The following LRRN3 variants were observed in gnomAD, a reference collection of about 807,000 sequenced individuals.
LRRN3 encodes the protein leucine-rich repeat neuronal protein 3.
A neutral mutation model predicts 40.1 loss-of-function variants in LRRN3; 15 were observed. The ratio of observed to expected loss-of-function variants is 0.37; its 90% CI spans 0.25 to 0.58. The LOEUF (loss-of-function observed/expected upper bound fraction) is 0.58, where lower values mean the gene tolerates loss of function less well. Among genes scored for constraint, LRRN3 ranks in the 20% least tolerant of loss-of-function variants. The probability of loss-of-function intolerance (pLI) is 0.72; values close to 1 mark genes in which losing one functional copy is unlikely to be tolerated. For synonymous variants in LRRN3, 308 were observed against 297.2 expected (o/e 1.04, Z -0.37); for missense variants, 746 against 837.7 (o/e 0.89, Z 1.35).
chr7:111,114,617 TC>T (rs1295768434), intron 2 of LRRN3, among the ~76,000 whole-genome samples: 1 of 151,460 alleles, frequency 6.6e-6, no homozygotes, highest in Non-Finnish European at 1.5e-5. Flanking sequence ...GTGCCTGTAA[TC>T]CCAGCCACTT....
chr7:111,092,200 A>G (rs1360199921), intron 1 of LRRN3, among the ~76,000 whole-genome samples: 5 of 152,144 alleles, frequency 3.3e-5, no homozygotes, highest in Non-Finnish European at 7.4e-5. Flanking sequence ...GACAGTGCAA[A>G]TGTCTGATTG....
intron 1 of LRRN3, among the ~76,000 whole-genome samples, chr7:111,098,737 G>T (rs1051244951): frequency 6.6e-6 from 1 of 151,678 alleles, no homozygotes; most frequent in African/African-American, 2.4e-5. Context: ...TGAAAAATAA[G>T]GCTTAGAGAA....
intron 2 of LRRN3, among the ~76,000 whole-genome samples, chr7:111,107,595 T>A (rs1563249902): frequency 6.6e-6 from 1 of 152,138 alleles, no homozygotes; most frequent in East Asian, 1.9e-4. Flanking sequence ...TTTTACTTTA[T>A]CTGAATAGAA....
chr7:111,119,514 A>T (rs535493275), intron 2 of LRRN3, among the ~76,000 whole-genome samples: 1 of 152,326 alleles, frequency 6.6e-6, no homozygotes, highest in African/African-American at 2.4e-5. Context: ...TTTTCTCTTA[A>T]AGTCTAACAT....
chr7:111,101,731 G>C (rs923764246), intron 2 of LRRN3, among the ~76,000 whole-genome samples: 3 of 151,394 alleles, frequency 2.0e-5, no homozygotes, highest in Admixed American at 6.6e-5. Flanking sequence ...AAATGAGTTA[G>C]GGGTTTGATT....
chr7:111,091,897 G>C (rs1484712070), intron 1 of LRRN3, among the ~76,000 whole-genome samples: 1 of 151,930 alleles, frequency 6.6e-6, no homozygotes, highest in African/African-American at 2.4e-5. Flanking sequence ...GAGGAGAGGA[G>C]AGTCACGGGT....
intron 2 of LRRN3, among the ~76,000 whole-genome samples, chr7:111,121,294 C>T (rs894250201): frequency 3.3e-5 from 5 of 152,106 alleles, no homozygotes; most frequent in African/African-American, 1.2e-4. Flanking sequence ...AATTTTCTCC[C>T]ATTCTGTAGG....
chr7:111,115,734 C>T (rs976013575), intron 2 of LRRN3, among the ~76,000 whole-genome samples: 5 of 152,100 alleles, frequency 3.3e-5, no homozygotes, highest in Non-Finnish European at 7.4e-5. Flanking sequence ...CTGGCACCAT[C>T]TGGGCTCACT....
intron 1 of LRRN3, among the ~76,000 whole-genome samples, chr7:111,097,756 A>C (rs1359501808): frequency 6.6e-6 from 1 of 151,882 alleles, no homozygotes; most frequent in Non-Finnish European, 1.5e-5. Flanking sequence ...TCACTCAGAA[A>C]TACCAAACAC....
chr7:111,103,522 G>A (rs1215952638), intron 2 of LRRN3, among the ~76,000 whole-genome samples: 3 of 151,644 alleles, frequency 2.0e-5, no homozygotes, highest in East Asian at 3.9e-4. Context: ...GAAAAATATC[G>A]ATTAGGCAAG....
chr7:111,116,944 T>A (rs1445413783), intron 2 of LRRN3, among the ~76,000 whole-genome samples: 1 of 152,158 alleles, frequency 6.6e-6, no homozygotes, highest in East Asian at 1.9e-4. Context: ...TGAATTCACA[T>A]CTGAATTTAG....
chr7:111,095,058 T>TC (rs1797263225), intron 1 of LRRN3, among the ~76,000 whole-genome samples: 1 of 152,050 alleles, frequency 6.6e-6, no homozygotes, highest in Non-Finnish European at 1.5e-5. Context: ...TGCTATTATG[T>TC]TAATTCATCT....
rs765184815 is a variant in LRRN3, at chr7:111,124,501, G to A, written c.1729G>A (p.Val577Ile). 3.7e-6 allele frequency: 6 copies of A among 1,613,828 alleles called. No individual in the cohort carries two copies. Among genetic ancestry groups the A allele is most frequent in the Non-Finnish European group, 5.1e-6 (6 of 1,179,946 alleles). The part of the protein sequence containing the change: ...QSARIPSDVK[V>I]YNLTHLNPST... ...TGCTCGAATACCATCTGATGTCAAG[G>A]TATATAATCTTACTCATCTGAATCC... The change falls in exon 3 of 3, where the codon GTA becomes ATA. Residue 577 changes from valine to isoleucine, a missense_variant. Coordinates refer to ENST00000308478, the MANE Select transcript of LRRN3 (RefSeq NM_001099658.2).
intron 2 of LRRN3, among the ~76,000 whole-genome samples, chr7:111,102,142 A>AT (rs1293825308): frequency 6.6e-6 from 1 of 151,514 alleles, no homozygotes. Context: ...GATTTTACAG[A>AT]TTTTAGGTCA....
intron 2 of LRRN3, among the ~76,000 whole-genome samples, chr7:111,105,867 C>A (rs1392873567): frequency 6.6e-6 from 1 of 151,862 alleles, no homozygotes; most frequent in Non-Finnish European, 1.5e-5. Flanking sequence ...CTTTTTATCA[C>A]TGACAGCTCT....
chr7:111,114,696 C>T (rs1799652327), intron 2 of LRRN3, among the ~76,000 whole-genome samples: 2 of 144,428 alleles, frequency 1.4e-5, no homozygotes, highest in Admixed American at 1.4e-4. Context: ...GCCGAGATCG[C>T]ACCACTGCCC....
chr7:111,096,272 C>T (rs1797387868), intron 1 of LRRN3, among the ~76,000 whole-genome samples: 1 of 151,704 alleles, frequency 6.6e-6, no homozygotes, highest in African/African-American at 2.4e-5. Flanking sequence ...TGTTGAGGTG[C>T]AAGGGTCTCT....
chr7:111,112,504 C>T (rs1474337814), intron 2 of LRRN3, among the ~76,000 whole-genome samples: 1 of 152,178 alleles, frequency 6.6e-6, no homozygotes, highest in Non-Finnish European at 1.5e-5. Flanking sequence ...TGCACACAGC[C>T]ATAAATATGG....
At chr7:111,109,774 C>T (rs776503450) in intron 2 of LRRN3, among the ~76,000 whole-genome samples, 4 of 152,072 alleles carry the variant, frequency 2.6e-5, no homozygotes, top group East Asian at 1.9e-4. Context: ...TGACTACTAT[C>T]GCTGTTTTCA....
Sources: allele counts gnomAD v4.1 joint callset (sites outside exome capture counted in the v4.1 genomes callset), GRCh38; gene constraint gnomAD v4.1.1; transcripts MANE v1.5; gene names NCBI Gene and HGNC (gene_info 2026-07-23, HGNC 2026-07-21).